The following EIF4A3 variants were observed in gnomAD, a reference collection of about 807,000 sequenced individuals.
EIF4A3 encodes the protein eukaryotic initiation factor 4A-III.
EIF4A3 carries 1 observed loss-of-function variant against 55.6 expected under a neutral mutation model. That is an observed-to-expected ratio of 0.02 (90% CI 0.01 to 0.09). The LOEUF (loss-of-function observed/expected upper bound fraction) is 0.09, where lower values mean the gene tolerates loss of function less well. EIF4A3 is among the 10% of genes least tolerant of loss of function. The probability of loss-of-function intolerance (pLI) is 1.00; values close to 1 mark genes in which losing one functional copy is unlikely to be tolerated. For missense variants in EIF4A3, 221 were observed against 540.7 expected (o/e 0.41, Z 5.86); for synonymous variants, 194 against 196.3 (o/e 0.99, Z 0.10).
chr17:80,141,658 A>C lies in EIF4A3; in HGVS notation c.309+124T>G. 3.2e-6 allele frequency: 3 copies of C among 946,470 alleles called. No homozygotes were observed. The Admixed American group carries it at 7.7e-5, about 24-fold the overall frequency. 58.6% of individuals were successfully genotyped at this position (946,470 alleles called of 1,614,324 possible). ...GTGTACAACTAAGACTCTGTGTAAA[A>C]ATTTGCTGAGTCAATACATACTAGA... On this transcript the variant is annotated intron_variant, in intron 3 of 11. Coordinates refer to ENST00000649764, the MANE Select transcript of EIF4A3 (RefSeq NM_014740.4).
chr17:80,140,797 C>T (rs1217295948), intron 4 of EIF4A3, among the ~76,000 whole-genome samples: 1 of 151,720 alleles, frequency 6.6e-6, no homozygotes, highest in Admixed American at 6.6e-5. Flanking sequence ...AAAATGGGTA[C>T]AATTTATTTT....
chr17:80,144,910 C>T (rs1203797953), intron 1 of EIF4A3, among the ~76,000 whole-genome samples: 2 of 152,198 alleles, frequency 1.3e-5, no homozygotes, highest in Non-Finnish European at 1.5e-5. Flanking sequence ...GAAGAAGAAC[C>T]ACGTGTTTTT....
chr17:80,146,913 G>C lies in EIF4A3; in HGVS notation c.49C>G (p.Leu17Val), dbSNP rs2039670074. 1 of 1,609,782 alleles carries C rather than the reference G, an allele frequency of 6.2e-7. No homozygotes were observed. Among genetic ancestry groups the C allele is most frequent in the Non-Finnish European group, 8.5e-7 (1 of 1,178,508 alleles). ...TTAGTCATGTCTTCCTCTTTGAGCA[G>C]CCGCTTTCGCGCCGAGCCCGAGGTC... ...MATSGSARKR[L>V]LKEEDMTKVE... The change falls in exon 1 of 12, where the codon CTG becomes GTG. Residue 17 changes from leucine (L) to valine (V), a missense_variant. Leu to Val is a conservative substitution (Grantham distance 32). This residue lies in a region of EIF4A3 where 43 missense variants were observed against 39.1 expected (regional missense o/e 1.10). Coordinates refer to ENST00000649764, the MANE Select transcript of EIF4A3 (RefSeq NM_014740.4).
In EIF4A3 at chr17:80,144,165, A is replaced by G. The variant is rs1278981280; in HGVS notation, c.242+7T>C. ...CCAGCCCTGCGCCGCACCCCAGGAC[A>G]ACTTACTGTGCGATGACATCTCTCC... On this transcript the variant is annotated splice_region_variant and intron_variant, in intron 2 of 11. Transcript: ENST00000649764. 2 of 1,614,028 alleles carry G rather than the reference A, an allele frequency of 1.2e-6. No individual in the cohort carries two copies. The highest frequency in any genetic ancestry group is 4.5e-5 in the East Asian group (2 of 44,884).
intron 1 of EIF4A3, among the ~76,000 whole-genome samples, chr17:80,146,182 G>T (rs76660048): frequency 6.6e-6 from 1 of 152,164 alleles, no homozygotes; most frequent in East Asian, 1.9e-4. Context: ...GAATGCAGCT[G>T]GCTAAGGGCT....
intron 1 of EIF4A3, 41 bp from the exon 2 acceptor site, chr17:80,144,285 A>G (rs370599341): frequency 2.5e-6 from 4 of 1,596,826 alleles, no homozygotes; most frequent in African/African-American, 2.7e-5. Flanking sequence ...CCACAATGAC[A>G]GCATAGAAAC....
At chr17:80,138,784 TAC>T in intron 7 of EIF4A3, 1 of 505,844 alleles carries the variant, frequency 2.0e-6, no homozygotes, top group Non-Finnish European at 3.5e-6. Flanking sequence ...TTGGTAGAGA[TAC>T]GGTCTCTATA....
rs1384849592 is a variant in EIF4A3 at position 80,137,064 on chromosome 17, G to A, written c.983+322C>T. ...AAATGAATGAAACCACCCAATCCAC[G>A]CTTTCTGACCACTGTGGAATTAAAC... is the stretch of plus-strand genomic sequence containing the variant. On this transcript the variant is annotated intron_variant, in intron 9 of 11. Transcript: ENST00000649764. 5.1e-5 allele frequency: 11 copies of A among 213,924 alleles called. No individual in the cohort carries two copies. In the South Asian group the frequency reaches 1.2e-3, roughly 24 times the overall value. 13.3% of individuals were successfully genotyped at this position (213,924 alleles called of 1,614,324 possible). A position where few individuals can be genotyped will look rare whatever the true frequency, so the allele number is the denominator to read the frequency against.
intron 7 of EIF4A3, 156 bp downstream of exon 7, chr17:80,138,865 A>T: frequency 1.0e-6 from 1 of 982,064 alleles, no homozygotes; most frequent in Non-Finnish European, 1.5e-6. Flanking sequence ...CAATTCCTTT[A>T]CACTCAGGCA....
At chr17:80,136,380 A>G in intron 9 of EIF4A3, 45 bp from the exon 10 acceptor site, 3 of 1,495,184 alleles carry the variant, frequency 2.0e-6, no homozygotes, top group East Asian at 2.3e-5. Context: ...TACTCATACA[A>G]GTGTAAGACT....
In EIF4A3 at chr17:80,134,649, C is replaced by A. The variant is rs1426986846; in HGVS notation, c.*841G>T. Reference sequence around the variant, plus strand: ...GACCAGCCTAGGCCACAAAGTGAGACCCTGTCTCTACAAAAAATTTAAATA... The same window carrying A: ...GACCAGCCTAGGCCACAAAGTGAGAACCTGTCTCTACAAAAAATTTAAATA... On this transcript the variant is annotated 3_prime_UTR_variant, in exon 12 of 12. Coordinates refer to ENST00000649764, the MANE Select transcript of EIF4A3 (RefSeq NM_014740.4). 6.6e-6 allele frequency among the ~76,000 whole-genome samples: 1 copy of A among 152,054 alleles called. No homozygotes were observed.
rs900701021 is a variant in EIF4A3, at chr17:80,134,833, C to T, written c.*657G>A. On this transcript the variant is annotated 3_prime_UTR_variant, in exon 12 of 12. Transcript: ENST00000649764. ...AGCAAAACTCATCAACGATGAAACTCTTTCCAAAAAAAAAGATTAGAAAAG... is the reference window on the plus strand; with the variant it reads ...AGCAAAACTCATCAACGATGAAACTTTTTCCAAAAAAAAAGATTAGAAAAG... Among the ~76,000 whole-genome samples, 3 of 151,684 alleles carry T rather than the reference C, an allele frequency of 2.0e-5. No homozygotes were observed. Among genetic ancestry groups the T allele is most frequent in the Non-Finnish European group, 4.4e-5 (3 of 67,930 alleles).
In EIF4A3 at chr17:80,138,151, G is replaced by C. The variant is rs763432971; in HGVS notation, c.858C>G (p.Thr286=). ...GTGCAGTGCCTCTTACCTTTCTTTTGGTGTTGCAGAAGATGACCGCCTGAG... is the reference window on the plus strand; with the variant it reads ...GTGCAGTGCCTCTTACCTTTCTTTTCGTGTTGCAGAAGATGACCGCCTGAG... ...TITQAVIFCN[T]KRKVDWLTEK... The change falls in exon 8 of 12, where the codon ACC becomes ACG. Residue 286 remains threonine (T), a synonymous_variant. Transcript: ENST00000649764. 1 of 1,613,814 alleles carries C rather than the reference G, an allele frequency of 6.2e-7. No homozygotes were observed. The highest frequency in any genetic ancestry group is 8.5e-7 in the Non-Finnish European group (1 of 1,179,802).
At chr17:80,143,701 G>A (rs1054621758) in intron 2 of EIF4A3, among the ~76,000 whole-genome samples, 11 of 152,296 alleles carry the variant, frequency 7.2e-5, no homozygotes, top group South Asian at 2.1e-4. Context: ...AGCCTTGGCC[G>A]GGCGCAGTAA....
chr17:80,143,656 G>A (rs1406474106), intron 2 of EIF4A3, among the ~76,000 whole-genome samples: 1 of 152,178 alleles, frequency 6.6e-6, no homozygotes, highest in Non-Finnish European at 1.5e-5. Flanking sequence ...CCACATGCCA[G>A]CAAACCACTA....
chr17:80,139,229 C>T, intron 6 of EIF4A3, 67 bp from the exon 7 acceptor site: 1 of 1,586,374 alleles, frequency 6.3e-7, no homozygotes, highest in Non-Finnish European at 8.6e-7. Flanking sequence ...AAGGTGCACG[C>T]CCAGTGTTCC....
rs2039620038 is a variant in EIF4A3, at chr17:80,141,639, AACT to A, written c.309+140_309+142del. 4 of 800,682 alleles carry A rather than the reference AACT, an allele frequency of 5.0e-6. No individual in the cohort carries two copies. The East Asian group carries it at 1.1e-4, about 21-fold the overall frequency. 49.6% of individuals were successfully genotyped at this position (800,682 alleles called of 1,614,324 possible). A position where few individuals can be genotyped will look rare whatever the true frequency, so the allele number is the denominator to read the frequency against. On this transcript the variant is annotated intron_variant, in intron 3 of 11. Coordinates refer to ENST00000649764, the MANE Select transcript of EIF4A3 (RefSeq NM_014740.4). ...AATATTAGTGCATATATTAGTGTAC[AACT>A]AAGACTCTGTGTAAAAATTTGCTGA... is the stretch of plus-strand genomic sequence containing the variant.
chr17:80,144,685 C>A lies in EIF4A3; in HGVS notation c.170-441G>T, dbSNP rs564556543. On this transcript the variant is annotated intron_variant, in intron 1 of 11. Transcript: ENST00000649764. ...CTTTTTAAATTAAAAAAAAAAACAA[C>A]AAAAAAACAGGAAAGTCACTCTAGC... 2.5e-3 allele frequency among the ~76,000 whole-genome samples: 372 copies of A among 151,828 alleles called. 2 individuals carry two copies. The highest frequency in any genetic ancestry group is 8.0e-3 in the African/African-American group (332 of 41,398).
chr17:80,144,102 C>G (rs2039639669), intron 2 of EIF4A3, 70 bp downstream of exon 2: 2 of 1,427,956 alleles, frequency 1.4e-6, no homozygotes, highest in South Asian at 2.3e-5. Flanking sequence ...ACAGTCATCC[C>G]AGAGCATCTA....
Sources: gnomAD v4.1 joint callset for allele counts (sites outside exome capture counted in the v4.1 genomes callset) on GRCh38, gnomAD v4.1.1 for gene constraint, gnomAD v4.1.1 regional missense constraint, MANE v1.5 for transcripts, NCBI Gene and HGNC (gene_info 2026-07-23, HGNC 2026-07-21) for gene names.